Variants in DOCK5 observed in about 807,000 individuals in gnomAD.
The protein encoded by DOCK5 is dedicator of cytokinesis 5.
DOCK5 carries 142 observed loss-of-function variants against 251.8 expected under a neutral mutation model. That is an observed-to-expected ratio of 0.56 (90% CI 0.49 to 0.65). The LOEUF is 0.65. DOCK5 is among the 30% of genes least tolerant of loss of function. DOCK5 has a pLI of 0.00. For synonymous variants in DOCK5, 842 were observed against 835.5 expected, an observed-to-expected ratio of 1.01 and a Z score of -0.13; for missense variants, 2,111 against 2,312.3, an observed-to-expected ratio of 0.91 and a Z score of 1.79.
intron 1 of DOCK5, among the ~76,000 whole-genome samples, chr8:25,213,899 T>A (rs1186684352): frequency 6.6e-6 from 1 of 152,218 alleles, no homozygotes; most frequent in African/African-American, 2.4e-5. Context: ...TTATGGAAAG[T>A]ACTTGAGACC....
chr8:25,199,295 T>A (rs889842413), intron 1 of DOCK5, among the ~76,000 whole-genome samples: 8 of 113,642 alleles, frequency 7.0e-5, no homozygotes, highest in African/African-American at 2.0e-4. Flanking sequence ...GTATTTCAAA[T>A]AAAATGTGAT....
At position 25,400,038 on chromosome 8, in the gene DOCK5, T is replaced by C. The variant is rs1209872142; in HGVS notation, c.4788+44T>C. On this transcript the variant is annotated intron_variant, in intron 46 of 51. Transcript: ENST00000276440. ...CTACACTCCCAGGGAGGCCACAGTG[T>C]GGGACACCCATTATTCTCCAGGGCT... 5.4e-6 allele frequency: 8 copies of C among 1,492,278 alleles called. No homozygotes were observed. In the South Asian group the frequency reaches 9.2e-5, roughly 17 times the overall value. 92.4% of individuals were successfully genotyped at this position (1,492,278 alleles called of 1,614,324 possible). A position where few individuals can be genotyped will look rare whatever the true frequency, so the allele number is the denominator to read the frequency against.
chr8:25,286,983 G>C (rs1318998022), intron 5 of DOCK5, among the ~76,000 whole-genome samples: 1 of 152,128 alleles, frequency 6.6e-6, no homozygotes, highest in African/African-American at 2.4e-5. Flanking sequence ...ACCCATCCCT[G>C]TGGTCTGCAT....
At chr8:25,335,921 T>C (rs1262408904) in intron 21 of DOCK5, among the ~76,000 whole-genome samples, 1 of 152,222 alleles carries the variant, frequency 6.6e-6, no homozygotes, top group African/African-American at 2.4e-5. Context: ...GATGTCAGAA[T>C]TGCATACCAG....
intron 2 of DOCK5, among the ~76,000 whole-genome samples, chr8:25,259,507 A>G (rs138214413): frequency 1.3e-5 from 2 of 152,254 alleles, no homozygotes; most frequent in East Asian, 3.9e-4. Context: ...CTAGGGTAGA[A>G]CACAGTGGCA....
At chr8:25,231,252 A>C (rs917297525) in intron 1 of DOCK5, among the ~76,000 whole-genome samples, 2 of 152,136 alleles carry the variant, frequency 1.3e-5, no homozygotes, top group African/African-American at 4.8e-5. Flanking sequence ...ATAGAATTCT[A>C]TATCTGAATA....
At chr8:25,407,864 CAAAAAAAAA>C (rs10606113) in intron 48 of DOCK5, 110 bp from the exon 49 acceptor site, 396 of 986,572 alleles carry the variant, frequency 4.0e-4, no homozygotes, top group South Asian at 9.1e-4. Flanking sequence ...GACCCTGTCT[CAAAAAAAAA>C]AAAAAAAAAA....
At chr8:25,210,045 T>TATATATAA (rs1563309191) in intron 1 of DOCK5, among the ~76,000 whole-genome samples, 3 of 20,650 alleles carry the variant, frequency 1.5e-4, no homozygotes, top group African/African-American at 6.9e-4. Flanking sequence ...AATGTGTGTG[T>TATATATAA]GTGTGTGTGT....
intron 1 of DOCK5, among the ~76,000 whole-genome samples, chr8:25,204,968 G>T (rs2117468226): frequency 6.6e-6 from 1 of 152,234 alleles, no homozygotes; most frequent in African/African-American, 2.4e-5. Context: ...GATGGGTCCT[G>T]GGAGATAATT....
chr8:25,394,583 C>T (rs1801314230), intron 44 of DOCK5, among the ~76,000 whole-genome samples: 1 of 152,028 alleles, frequency 6.6e-6, no homozygotes, highest in Non-Finnish European at 1.5e-5. Context: ...AAACGTTTTG[C>T]CAGTGGACAT....
intron 5 of DOCK5, among the ~76,000 whole-genome samples, chr8:25,280,909 A>C (rs1010956945): frequency 3.3e-5 from 5 of 151,942 alleles, no homozygotes; most frequent in Non-Finnish European, 7.3e-5. Context: ...TGGTTCCTTA[A>C]CATGTTCTTT....
chr8:25,284,202 A>G (rs573996937), intron 5 of DOCK5, among the ~76,000 whole-genome samples: 2 of 152,298 alleles, frequency 1.3e-5, no homozygotes, highest in African/African-American at 4.8e-5. Context: ...TGGGGATTTT[A>G]TGTGCTATAT....
intron 11 of DOCK5, among the ~76,000 whole-genome samples, chr8:25,307,117 A>T (rs1804962901): frequency 6.6e-6 from 1 of 151,982 alleles, no homozygotes; most frequent in Non-Finnish European, 1.5e-5. Flanking sequence ...AGCTCCATTA[A>T]TAATCTTTTT....
At chr8:25,361,817 C>A (rs1800686886) in intron 28 of DOCK5, among the ~76,000 whole-genome samples, 1 of 152,092 alleles carries the variant, frequency 6.6e-6, no homozygotes, top group Non-Finnish European at 1.5e-5. Flanking sequence ...GGAAGTTACC[C>A]AGCTTGACCA....
At chr8:25,213,198 C>T (rs1379808207) in intron 1 of DOCK5, among the ~76,000 whole-genome samples, 1 of 151,828 alleles carries the variant, frequency 6.6e-6, no homozygotes, top group African/African-American at 2.4e-5. Context: ...ACCTAGGAAA[C>T]GGGGAAGGTC....
chr8:25,216,028 A>C lies in DOCK5; in HGVS notation c.44-27646A>C, dbSNP rs574231198. Reference sequence around the variant, plus strand: ...GTATGTATATATGTATACAACATGTATATACGTGTATACAATATGTATATA... The same window carrying C: ...GTATGTATATATGTATACAACATGTCTATACGTGTATACAATATGTATATA... On this transcript the variant is annotated intron_variant, in intron 1 of 51. Transcript: ENST00000276440. 2.0e-5 allele frequency among the ~76,000 whole-genome samples: 3 copies of C among 151,956 alleles called. No homozygotes were observed. In the South Asian group the frequency reaches 6.2e-4, roughly 32 times the overall value.
At chr8:25,275,297 A>G in intron 3 of DOCK5, 89 bp from the exon 4 acceptor site, 1 of 1,124,990 alleles carries the variant, frequency 8.9e-7, no homozygotes, top group Non-Finnish European at 1.3e-6. Flanking sequence ...GGGTGTTCCC[A>G]TTTATTCTCT....
intron 36 of DOCK5, 140 bp from the exon 37 acceptor site, chr8:25,374,424 G>T: frequency 1.3e-6 from 1 of 795,502 alleles, no homozygotes; most frequent in East Asian, 2.6e-5. Flanking sequence ...GAGCCCTGGG[G>T]CTTAAGGCTG....
rs965245094 is a variant in DOCK5, at chr8:25,376,308, C to T, written c.3817-997C>T. The T allele has an allele frequency of 3.0e-6, 3 of 985,270 alleles. No individual in the cohort carries two copies. In the South Asian group the frequency reaches 1.4e-4, roughly 46 times the overall value. The allele number at this position is 985,270 out of a possible 1,614,324, so 61.0% of individuals were successfully genotyped here. A position where few individuals can be genotyped will look rare whatever the true frequency, so the allele number is the denominator to read the frequency against. On this transcript the variant is annotated intron_variant, in intron 37 of 51. Transcript: ENST00000276440. Reference sequence around the variant, plus strand: ...TGCAGCTTTTTTTCCCCCCAGATTGCTATTCAATAGAGATGCTGTTTGTTA... The same window carrying T: ...TGCAGCTTTTTTTCCCCCCAGATTGTTATTCAATAGAGATGCTGTTTGTTA...
Sources: allele counts gnomAD v4.1 joint callset (sites outside exome capture counted in the v4.1 genomes callset), GRCh38; gene constraint gnomAD v4.1.1; transcripts MANE v1.5; gene names NCBI Gene and HGNC (gene_info 2026-07-23, HGNC 2026-07-21).